CDK19: variants seen among roughly 807,000 people sequenced by gnomAD.
The protein encoded by CDK19 is cyclin-dependent kinase 19.
In CDK19, 20 loss-of-function variants were observed where a neutral mutation model predicts 68.3. The observed-to-expected ratio is 0.29, with a 90% CI of 0.21 to 0.43. The LOEUF is 0.43. Among genes scored for constraint, CDK19 ranks in the 20% least tolerant of loss-of-function variants. The pLI is 1.00. For missense variants in CDK19, 339 were observed against 623.5 expected (o/e 0.54, Z 4.86); for synonymous variants, 221 against 222.8 (o/e 0.99, Z 0.07).
At chr6:110,651,907 A>C (rs1337388995) in intron 4 of CDK19, among the ~76,000 whole-genome samples, 2 of 152,162 alleles carry the variant, frequency 1.3e-5, no homozygotes, top group Non-Finnish European at 2.9e-5. Flanking sequence ...ATAATAAATA[A>C]ATAAATAAAG....
Position 110,613,377 on chromosome 6 carries a change from T to C in CDK19, c.*1158A>G, listed in dbSNP as rs977265163. 2 of 152,678 alleles carry C rather than the reference T, an allele frequency of 1.3e-5. No homozygotes were observed. The highest frequency in any genetic ancestry group is 2.9e-5 in the Non-Finnish European group (2 of 68,048). 9.5% of individuals were successfully genotyped at this position (152,678 alleles called of 1,614,324 possible). On this transcript the variant is annotated 3_prime_UTR_variant, in exon 13 of 13. Coordinates refer to ENST00000368911, the MANE Select transcript of CDK19 (RefSeq NM_015076.5). The stretch of plus-strand genomic sequence containing the variant: ...CAACAGCAAAATTATGCATACATAA[T>C]ACATACTTTAAACATGAATAAAACC...
At chr6:110,656,002 T>C (rs1781288973) in intron 4 of CDK19, among the ~76,000 whole-genome samples, 1 of 152,178 alleles carries the variant, frequency 6.6e-6, no homozygotes, top group Non-Finnish European at 1.5e-5. Flanking sequence ...CCCTTATTCA[T>C]ACTCCTCTGC....
chr6:110,735,746 A>G (rs1167357846), intron 2 of CDK19, among the ~76,000 whole-genome samples: 2 of 152,250 alleles, frequency 1.3e-5, no homozygotes, highest in East Asian at 3.8e-4. Flanking sequence ...TTGTAATCCA[A>G]GAGTTTATAT....
rs2115074784 is a variant in CDK19, at chr6:110,792,489, C to A, written c.128+22520G>T. Among the ~76,000 whole-genome samples the A allele has an allele frequency of 2.0e-5, 3 of 152,050 alleles. No individual in the cohort carries two copies. The East Asian group carries it at 5.8e-4, about 29-fold the overall frequency. Reference sequence around the variant, plus strand: ...GTGGCACAATCTCAGCTCACTGCAACCTCCGCCTCTCAGGTTCAAGTGATT... The same window carrying A: ...GTGGCACAATCTCAGCTCACTGCAAACTCCGCCTCTCAGGTTCAAGTGATT... On this transcript the variant is annotated intron_variant, in intron 1 of 12. Coordinates refer to ENST00000368911, the MANE Select transcript of CDK19 (RefSeq NM_015076.5).
chr6:110,728,015 G>A (rs1314449944), intron 2 of CDK19, among the ~76,000 whole-genome samples: 1 of 151,656 alleles, frequency 6.6e-6, no homozygotes, highest in Non-Finnish European at 1.5e-5. Flanking sequence ...GAAAGGCCAG[G>A]CATGGTGGCT....
chr6:110,748,763 T>A (rs1270061310), intron 1 of CDK19, among the ~76,000 whole-genome samples: 1 of 152,242 alleles, frequency 6.6e-6, no homozygotes, highest in Admixed American at 6.5e-5. Context: ...GGAAGCTTTA[T>A]TGCTCTCATC....
chr6:110,746,164 C>A lies in CDK19; in HGVS notation c.166G>T (p.Gly56Cys). Reference sequence around the variant, plus strand: ...CAAGCCGACATGGATATTCCTGTGCCTTCAATTTGCTTCAATGCATATTCC... The same window carrying A: ...CAAGCCGACATGGATATTCCTGTGCATTCAATTTGCTTCAATGCATATTCC... ...EKEYALKQIE[G>C]TGISMSACRE... is the part of the protein sequence containing the mutation. Residue 56 changes from glycine to cysteine, a missense_variant, in exon 2 of 13, where the codon GGC becomes TGC. Transcript: ENST00000368911. 1 of 1,603,184 alleles carries A rather than the reference C, an allele frequency of 6.2e-7. No individual in the cohort carries two copies. Among genetic ancestry groups the A allele is most frequent in the African/African-American group, 1.3e-5 (1 of 74,524 alleles).
In CDK19 at chr6:110,621,043, T is replaced by G; in HGVS notation, c.1377+61A>C. 6.7e-7 allele frequency: 1 copy of G among 1,487,974 alleles called. No homozygotes were observed. The highest frequency in any genetic ancestry group is 1.3e-5 in the South Asian group (1 of 77,766). The allele number at this position is 1,487,974 out of a possible 1,614,324, so 92.2% of individuals were successfully genotyped here. ...TAAGTGTTACTTAACTCTAAAAGGA[T>G]CTAGGATAAATCTTTTCCCCACTTC... On this transcript the variant is annotated intron_variant, in intron 12 of 12. Coordinates refer to ENST00000368911, the MANE Select transcript of CDK19 (RefSeq NM_015076.5). The surrounding 1 kb of genome is among the most constrained non-coding windows in gnomAD (Gnocchi z 5.4).
chr6:110,724,054 A>T (rs1022918124), intron 2 of CDK19, among the ~76,000 whole-genome samples: 1 of 152,148 alleles, frequency 6.6e-6, no homozygotes, highest in Non-Finnish European at 1.5e-5. Context: ...AAGTAATTTT[A>T]AAAACTAGCC....
intron 1 of CDK19, among the ~76,000 whole-genome samples, chr6:110,779,911 C>T (rs1432583498): frequency 7.2e-5 from 11 of 151,808 alleles, no homozygotes. Context: ...ATGGTGAAAC[C>T]CTGTCTCTAC....
chr6:110,697,656 A>C (rs1773596004), intron 2 of CDK19, among the ~76,000 whole-genome samples: 1 of 152,192 alleles, frequency 6.6e-6, no homozygotes, highest in African/African-American at 2.4e-5. Flanking sequence ...ACTAAAAAAA[A>C]AAAGCAATCC....
intron 1 of CDK19, among the ~76,000 whole-genome samples, chr6:110,749,756 A>G (rs1778333911): frequency 1.3e-5 from 2 of 152,032 alleles, no homozygotes; most frequent in African/African-American, 4.8e-5. Flanking sequence ...ATTTTGCCTC[A>G]TCATATGAAT....
intron 2 of CDK19, among the ~76,000 whole-genome samples, chr6:110,721,913 G>A (rs187462326): frequency 8.1e-4 from 123 of 152,192 alleles, no homozygotes; most frequent in African/African-American, 2.9e-3. Context: ...GCAGTGAGCC[G>A]AGATCACGCC....
intron 2 of CDK19, among the ~76,000 whole-genome samples, chr6:110,694,338 A>T (rs1773296347): frequency 6.6e-6 from 1 of 152,228 alleles, no homozygotes; most frequent in South Asian, 2.1e-4. Context: ...GCAAAAGGAA[A>T]CTAGAAGCCA....
intron 2 of CDK19, among the ~76,000 whole-genome samples, chr6:110,693,242 C>T (rs898144966): frequency 3.9e-5 from 6 of 152,290 alleles, no homozygotes; most frequent in Middle Eastern, 6.8e-3. Flanking sequence ...TTGAAAGAAG[C>T]AGCTGGCCAC....
rs554731475 is a variant in CDK19, at chr6:110,788,483, CT to C, written c.128+26525del. Among the ~76,000 whole-genome samples, 1,100 of 152,256 alleles carry C rather than the reference CT, an allele frequency of 7.2e-3. 6 individuals carry two copies. Among genetic ancestry groups the C allele is most frequent in the Middle Eastern group, 0.02 (6 of 294 alleles). ...TATCCTGACAATTTTAAAGCCATCT[CT>C]TTCCAAAATTATCAAACCATCCTTG... On this transcript the variant is annotated intron_variant, in intron 1 of 12. Transcript: ENST00000368911.
intron 1 of CDK19, among the ~76,000 whole-genome samples, chr6:110,776,402 C>A (rs1322271218): frequency 6.6e-6 from 1 of 151,016 alleles, no homozygotes; most frequent in East Asian, 2.0e-4. Context: ...GCACTCCAGC[C>A]TGGGCAACAA....
At chr6:110,669,016 C>T (rs540780670) in intron 3 of CDK19, among the ~76,000 whole-genome samples, 2 of 152,258 alleles carry the variant, frequency 1.3e-5, no homozygotes, top group South Asian at 4.2e-4. Context: ...TACAGTTCTA[C>T]AGGATCTGAC....
chr6:110,815,274 G>A lies in CDK19; in HGVS notation c.-138C>T. On this transcript the variant is annotated 5_prime_UTR_variant, in exon 1 of 13. Coordinates refer to ENST00000368911, the MANE Select transcript of CDK19 (RefSeq NM_015076.5). Reference sequence around the variant, plus strand: ...GCGCGCGCGCCGCCCGCCGCCCGCCGCTCCGCGGTCCGCCTTCAGCAAGGG... The same window carrying A: ...GCGCGCGCGCCGCCCGCCGCCCGCCACTCCGCGGTCCGCCTTCAGCAAGGG... 6.9e-6 allele frequency: 7 copies of A among 1,016,714 alleles called. No homozygotes were observed. Among genetic ancestry groups the A allele is most frequent in the South Asian group, 2.6e-5 (1 of 38,668 alleles). 63.0% of individuals were successfully genotyped at this position (1,016,714 alleles called of 1,614,324 possible). A position where few individuals can be genotyped will look rare whatever the true frequency, so the allele number is the denominator to read the frequency against.
Sources: gnomAD v4.1 joint callset for allele counts (sites outside exome capture counted in the v4.1 genomes callset) on GRCh38, gnomAD v4.1.1 for gene constraint, Gnocchi (gnomAD v3.1) non-coding constraint, MANE v1.5 for transcripts, NCBI Gene and HGNC (gene_info 2026-07-23, HGNC 2026-07-21) for gene names.